FSTL4: variants seen among roughly 807,000 people sequenced by gnomAD.
The protein encoded by FSTL4 is follistatin like 4, also known as follistatin-related protein 4.
In FSTL4, 28 loss-of-function variants were observed where a neutral mutation model predicts 78.2. The ratio of observed to expected loss-of-function variants is 0.36; its 90% confidence interval spans 0.27 to 0.49. FSTL4 has a LOEUF of 0.49. FSTL4 is among the 20% of genes least tolerant of loss of function. FSTL4 has a pLI of 0.98. For missense variants in FSTL4, 922 were observed against 1,084.9 expected (o/e 0.85, Z 2.11); for synonymous variants, 422 against 440.5 (o/e 0.96, Z 0.53).
At chr5:133,755,542 T>C in the FSTL4 span, among the ~76,000 whole-genome samples, 4 of 152,118 alleles carry the variant, frequency 2.6e-5, no homozygotes, top group Admixed American at 2.0e-4. Flanking sequence ...CTCTCACACA[T>C]ACTCTAGACC....
chr5:133,556,596 G>A (rs1759792033), intron 3 of FSTL4, among the ~76,000 whole-genome samples: 1 of 152,082 alleles, frequency 6.6e-6, no homozygotes, highest in Non-Finnish European at 1.5e-5. Context: ...GCGTGGTGGT[G>A]CATGCCTGTA....
intron 4 of FSTL4, among the ~76,000 whole-genome samples, chr5:133,396,737 A>G (rs1423832417): frequency 6.6e-6 from 1 of 152,220 alleles, no homozygotes; most frequent in Non-Finnish European, 1.5e-5. Flanking sequence ...AGAAGAAGAA[A>G]AAAATGGCTC....
chr5:133,440,199 C>T lies in FSTL4; in HGVS notation c.161-39213G>A, dbSNP rs1011451542. ...ACCCATTCACTGAATAATTTCTGGG[C>T]GCTGTGGAGGGAGAGGGCCTCAGCG... On this transcript the variant is annotated intron_variant, in intron 3 of 15. Coordinates refer to ENST00000265342, the MANE Select transcript of FSTL4 (RefSeq NM_015082.2). The surrounding 1 kb of genome is among the most constrained non-coding windows in gnomAD (Gnocchi z 4.1). 6.6e-5 allele frequency among the ~76,000 whole-genome samples: 10 copies of T among 152,266 alleles called. No individual in the cohort carries two copies. The highest frequency in any genetic ancestry group is 6.2e-4 in the South Asian group (3 of 4,828).
At chr5:133,512,408 A>G (rs1268299244) in intron 3 of FSTL4, among the ~76,000 whole-genome samples, 1 of 152,234 alleles carries the variant, frequency 6.6e-6, no homozygotes, top group East Asian at 1.9e-4. Flanking sequence ...GAGGGCTTGG[A>G]TCTCAAATAG....
chr5:133,280,265 T>A (rs1752980821), intron 6 of FSTL4, among the ~76,000 whole-genome samples: 1 of 151,982 alleles, frequency 6.6e-6, no homozygotes, highest in Admixed American at 6.6e-5. Context: ...CCAGCCTCAT[T>A]ACATGGACAG....
intron 4 of FSTL4, among the ~76,000 whole-genome samples, chr5:133,357,091 C>T (rs1383681970): frequency 2.0e-5 from 3 of 152,204 alleles, no homozygotes; most frequent in African/African-American, 4.8e-5. Context: ...GGACAGACCC[C>T]GGGCAGGGAC....
At chr5:133,834,205 T>C in the FSTL4 span, among the ~76,000 whole-genome samples, 2 of 152,346 alleles carry the variant, frequency 1.3e-5, no homozygotes, top group South Asian at 2.1e-4. Context: ...AGAGACCCTG[T>C]GCTAATGGGG....
chr5:133,726,711 A>G, the FSTL4 span, among the ~76,000 whole-genome samples: 1 of 152,174 alleles, frequency 6.6e-6, no homozygotes, highest in African/African-American at 2.4e-5. Context: ...TGTATGGAAA[A>G]AGGATCCCGG....
At chr5:133,277,897 C>A (rs1370819200) in intron 6 of FSTL4, among the ~76,000 whole-genome samples, 1 of 152,204 alleles carries the variant, frequency 6.6e-6, no homozygotes, top group Non-Finnish European at 1.5e-5. Context: ...GTGGGGGCCT[C>A]ATAGCAAAGA....
chr5:133,582,130 C>A lies in FSTL4; in HGVS notation c.127-14911G>T, dbSNP rs560735585. Among the ~76,000 whole-genome samples the A allele has an allele frequency of 5.9e-5, 9 of 152,316 alleles. No individual in the cohort carries two copies. The East Asian group carries it at 1.7e-3, about 29-fold the overall frequency. On this transcript the variant is annotated intron_variant, in intron 2 of 15. Transcript: ENST00000265342. ...GCTTGGGCAGGCCCACACTCGCCTT[C>A]CATGAGGACCGATGCCAGCTCAGTA...
chr5:133,205,218 G>GTCT (rs1561616894), intron 14 of FSTL4, among the ~76,000 whole-genome samples: 1 of 152,084 alleles, frequency 6.6e-6, no homozygotes, highest in Non-Finnish European at 1.5e-5. Flanking sequence ...TTAATTAAAT[G>GTCT]TCTTTTCAGT....
chr5:133,333,457 T>C (rs1482534558), intron 4 of FSTL4, among the ~76,000 whole-genome samples: 2 of 152,160 alleles, frequency 1.3e-5, no homozygotes, highest in African/African-American at 2.4e-5. Flanking sequence ...GGAATCTCTA[T>C]AGCACAAGGA....
intron 3 of FSTL4, among the ~76,000 whole-genome samples, chr5:133,482,831 G>T (rs190237552): frequency 2.6e-5 from 4 of 152,140 alleles, no homozygotes; most frequent in African/African-American, 7.2e-5. Context: ...GGGAAGCTCT[G>T]CATTTCCTGG....
intron 4 of FSTL4, among the ~76,000 whole-genome samples, chr5:133,346,867 T>C (rs1754706407): frequency 6.6e-6 from 1 of 152,212 alleles, no homozygotes. Flanking sequence ...TGACTTATTC[T>C]TCGGCTCCTT....
intron 6 of FSTL4, chr5:133,275,634 T>G (rs1301043147): frequency 6.6e-6 from 1 of 151,038 alleles, no homozygotes; most frequent in African/African-American, 2.4e-5. Flanking sequence ...CCCTTCTGAG[T>G]GTGGACCCCT....
At chr5:133,253,387 TG>T (rs1388799741) in intron 6 of FSTL4, among the ~76,000 whole-genome samples, 1 of 151,898 alleles carries the variant, frequency 6.6e-6, no homozygotes, top group East Asian at 1.9e-4. Flanking sequence ...TTCCTGTCAC[TG>T]GGCCTCAGTT....
chr5:133,286,503 A>G (rs896215473), intron 6 of FSTL4, among the ~76,000 whole-genome samples: 1 of 152,298 alleles, frequency 6.6e-6, no homozygotes, highest in Middle Eastern at 3.4e-3. Flanking sequence ...CGCCTCTTCA[A>G]TCTTGACAAA....
intron 8 of FSTL4, among the ~76,000 whole-genome samples, chr5:133,230,306 T>C (rs916585816): frequency 1.3e-5 from 2 of 152,174 alleles, no homozygotes; most frequent in East Asian, 1.9e-4. Context: ...GGCTGGAGGA[T>C]GTGCATTTAC....
At chr5:133,221,850 T>C (rs1043656649) in intron 11 of FSTL4, among the ~76,000 whole-genome samples, 3 of 150,202 alleles carry the variant, frequency 2.0e-5, no homozygotes, top group Non-Finnish European at 4.4e-5. Context: ...TTAAGATCTC[T>C]GTAAATTCTA....
Sources: gnomAD v4.1 joint callset for allele counts (sites outside exome capture counted in the v4.1 genomes callset) on GRCh38, gnomAD v4.1.1 for gene constraint, Gnocchi (gnomAD v3.1) non-coding constraint, MANE v1.5 for transcripts, NCBI Gene and HGNC (gene_info 2026-07-23, HGNC 2026-07-21) for gene names.